Variants in CALCRL observed in about 807,000 individuals in gnomAD.
CALCRL encodes the protein calcitonin receptor like receptor.
CALCRL carries 27 observed loss-of-function variants against 60.4 expected under a neutral mutation model. The observed-to-expected ratio is 0.45, with a 90% CI of 0.33 to 0.62. CALCRL has a LOEUF of 0.62. Among genes scored for constraint, CALCRL ranks in the 20% least tolerant of loss-of-function variants. The pLI, the probability that CALCRL is intolerant of heterozygous loss-of-function variation, is 0.03. For synonymous variants in CALCRL, 190 were observed against 182.6 expected (o/e 1.04, Z -0.33); for missense variants, 424 against 540.7 (o/e 0.78, Z 2.14).
chr2:187,380,957 T>A (rs1353417755), intron 5 of CALCRL, among the ~76,000 whole-genome samples, 170 bp from the exon 6 acceptor site: 1 of 151,966 alleles, frequency 6.6e-6, no homozygotes, highest in Non-Finnish European at 1.5e-5. Flanking sequence ...CCAAGTAATA[T>A]TATAATAATT....
chr2:187,414,893 A>ATTTT (rs751479878), intron 1 of CALCRL, among the ~76,000 whole-genome samples: 14 of 124,114 alleles, frequency 1.1e-4, no homozygotes, highest in African/African-American at 4.0e-4. Flanking sequence ...TTTTTTTAAA[A>ATTTT]AAAAAAAGGT....
At chr2:187,432,580 A>T (rs1259561526) in intron 1 of CALCRL, among the ~76,000 whole-genome samples, 2 of 152,102 alleles carry the variant, frequency 1.3e-5, no homozygotes, top group African/African-American at 4.8e-5. Context: ...ATCAAAAATC[A>T]CTTCCAATTA....
chr2:187,434,442 A>G (rs139537657), intron 1 of CALCRL, among the ~76,000 whole-genome samples: 10 of 152,298 alleles, frequency 6.6e-5, no homozygotes, highest in African/African-American at 1.9e-4. Flanking sequence ...ATGAGATGCT[A>G]TGTTACACTC....
intron 1 of CALCRL, among the ~76,000 whole-genome samples, chr2:187,404,698 CA>C (rs1689039726): frequency 7.0e-6 from 1 of 143,278 alleles, no homozygotes; most frequent in Non-Finnish European, 1.5e-5. Context: ...ATGGCAATCT[CA>C]AAAGAAAAAA....
intron 8 of CALCRL, among the ~76,000 whole-genome samples, chr2:187,366,858 A>G (rs1327242105): frequency 6.6e-6 from 1 of 151,164 alleles, no homozygotes; most frequent in African/African-American, 2.4e-5. Flanking sequence ...AAAGGTAAGT[A>G]CTTAAAAATG....
intron 1 of CALCRL, chr2:187,428,925 C>G (rs569389855): frequency 6.6e-6 from 1 of 150,792 alleles, no homozygotes; most frequent in African/African-American, 2.4e-5. Flanking sequence ...GTAAGCATAA[C>G]TTTTCTGGAG....
At position 187,387,728 on chromosome 2, in the gene CALCRL, A is replaced by G. The variant is rs1449633763; in HGVS notation, c.-264T>C. On this transcript the variant is annotated 5_prime_UTR_variant, in exon 2 of 15. Coordinates refer to ENST00000392370, the MANE Select transcript of CALCRL (RefSeq NM_005795.6). ...TTGGATCATATTTGACATTGTCTTT[A>G]AGAATTTCTTAAATTCAGGGGTCAA... The G allele has an allele frequency of 7.6e-6, 3 of 397,074 alleles. No homozygotes were observed. The highest frequency in any genetic ancestry group is 1.3e-5 in the Non-Finnish European group (3 of 225,134). 24.6% of individuals were successfully genotyped at this position (397,074 alleles called of 1,614,324 possible).
intron 4 of CALCRL, among the ~76,000 whole-genome samples, chr2:187,384,881 T>C (rs1688144018): frequency 6.6e-6 from 1 of 152,142 alleles, no homozygotes; most frequent in African/African-American, 2.4e-5. Flanking sequence ...ACATGGGTGA[T>C]TCATTACTAT....
At chr2:187,388,939 G>A (rs1688317778) in intron 1 of CALCRL, among the ~76,000 whole-genome samples, 1 of 152,006 alleles carries the variant, frequency 6.6e-6, no homozygotes, top group African/African-American at 2.4e-5. Flanking sequence ...TTTTGCTAAA[G>A]AAATAAGAGA....
At chr2:187,386,906 C>T (rs1688228055) in intron 3 of CALCRL, among the ~76,000 whole-genome samples, 1 of 152,180 alleles carries the variant, frequency 6.6e-6, no homozygotes, top group Non-Finnish European at 1.5e-5. Context: ...AAGCTCTCTT[C>T]TCTTATCTGC....
At chr2:187,351,585 A>G (rs556415535) in intron 14 of CALCRL, among the ~76,000 whole-genome samples, 3 of 151,864 alleles carry the variant, frequency 2.0e-5, no homozygotes, top group Admixed American at 6.6e-5. Flanking sequence ...ATTAGAGTGT[A>G]TGTTCTATGA....
chr2:187,428,900 A>G (rs1209492192), intron 1 of CALCRL: 1 of 143,988 alleles, frequency 6.9e-6, no homozygotes, highest in Non-Finnish European at 1.5e-5. Flanking sequence ...CTCAAAAAAA[A>G]AAAAAAAAAT....
intron 14 of CALCRL, among the ~76,000 whole-genome samples, chr2:187,350,771 G>C (rs974245149): frequency 2.0e-5 from 3 of 151,558 alleles, no homozygotes; most frequent in Non-Finnish European, 4.4e-5. Flanking sequence ...GTTGTCATAG[G>C]TTATACCAAC....
intron 1 of CALCRL, among the ~76,000 whole-genome samples, chr2:187,392,312 T>A (rs1186100527): frequency 1.3e-5 from 2 of 152,168 alleles, no homozygotes; most frequent in Non-Finnish European, 2.9e-5. Context: ...GTTTTTCATT[T>A]ATGTATCCAT....
intron 1 of CALCRL, among the ~76,000 whole-genome samples, chr2:187,391,958 A>G (rs6729250): frequency 0.11 from 16,976 of 152,088 alleles, 1,076 homozygotes; most frequent in South Asian, 0.18. Context: ...TTAAGAGGGC[A>G]ATCTTCTTGA....
At chr2:187,405,302 T>C (rs971169494) in intron 1 of CALCRL, among the ~76,000 whole-genome samples, 1 of 152,036 alleles carries the variant, frequency 6.6e-6, no homozygotes, top group Admixed American at 6.6e-5. Context: ...CAGCTTTCTG[T>C]AAAGGAGGCT....
rs1410795380 is a variant in CALCRL, at chr2:187,342,383, G to C, written c.*3801C>G. ...CTACTAATATACTAAAAACTGCTTTGAATATGAAGTATTATATGATATGTC... is the reference window on the plus strand; with the variant it reads ...CTACTAATATACTAAAAACTGCTTTCAATATGAAGTATTATATGATATGTC... On this transcript the variant is annotated 3_prime_UTR_variant, in exon 15 of 15. Coordinates refer to ENST00000392370, the MANE Select transcript of CALCRL (RefSeq NM_005795.6). Among the ~76,000 whole-genome samples, 1 of 151,644 alleles carries C rather than the reference G, an allele frequency of 6.6e-6. No individual in the cohort carries two copies. The highest frequency in any genetic ancestry group is 1.5e-5 in the Non-Finnish European group (1 of 67,672).
intron 1 of CALCRL, among the ~76,000 whole-genome samples, chr2:187,394,968 G>A (rs1216596373): frequency 3.3e-5 from 5 of 151,916 alleles, no homozygotes; most frequent in Non-Finnish European, 5.9e-5. Context: ...TCACCTTGTC[G>A]GATTATTTTA....
intron 9 of CALCRL, among the ~76,000 whole-genome samples, chr2:187,360,952 A>T (rs1687028910): frequency 6.6e-6 from 1 of 151,974 alleles, no homozygotes; most frequent in Non-Finnish European, 1.5e-5. Context: ...CCAAAGATTG[A>T]TAATGGTATA....
Sources: allele counts gnomAD v4.1 joint callset (sites outside exome capture counted in the v4.1 genomes callset), GRCh38; gene constraint gnomAD v4.1.1; transcripts MANE v1.5; gene names NCBI Gene and HGNC (gene_info 2026-07-23, HGNC 2026-07-21).